GPBP1L1: variants seen among roughly 807,000 people sequenced by gnomAD.
The protein encoded by GPBP1L1 is vasculin-like protein 1.
GPBP1L1 carries 23 observed loss-of-function variants against 52.5 expected under a neutral mutation model. The ratio of observed to expected loss-of-function variants is 0.44; its 90% CI spans 0.32 to 0.62. The LOEUF (loss-of-function observed/expected upper bound fraction) is 0.62. Among genes scored for constraint, GPBP1L1 ranks in the 20% least tolerant of loss-of-function variants. The pLI is 0.06. For missense variants in GPBP1L1, 596 were observed against 579.3 expected (o/e 1.03, Z -0.30); for synonymous variants, 243 against 203.1 (o/e 1.20, Z -1.67).
intron 2 of GPBP1L1, among the ~76,000 whole-genome samples, chr1:45,664,495 G>A (rs1176392389): frequency 3.9e-5 from 6 of 152,034 alleles, no homozygotes; most frequent in African/African-American, 1.4e-4. Context: ...GAACCCGGGA[G>A]GTGGAGCTTG....
At chr1:45,653,274 C>G (rs1449452850) in intron 6 of GPBP1L1, among the ~76,000 whole-genome samples, 2 of 152,108 alleles carry the variant, frequency 1.3e-5, no homozygotes, top group Non-Finnish European at 2.9e-5. Flanking sequence ...TGGTGGCTGT[C>G]TGTAATCCTA....
chr1:45,641,773 G>C (rs1347083759), intron 7 of GPBP1L1: 1 of 131,452 alleles, frequency 7.6e-6, no homozygotes, highest in Non-Finnish European at 1.5e-5. Flanking sequence ...CTGAGATCTC[G>C]CCACCGCACT....
intron 2 of GPBP1L1, among the ~76,000 whole-genome samples, chr1:45,664,459 C>G (rs573765626): frequency 1.2e-4 from 16 of 132,110 alleles, no homozygotes; most frequent in East Asian, 2.4e-4. Context: ...CCAGCTACTA[C>G]GGAGGCTGAG....
At chr1:45,652,043 C>T (rs11211153) in intron 6 of GPBP1L1, among the ~76,000 whole-genome samples, 1,779 of 152,286 alleles carry the variant, frequency 0.012, 27 homozygotes, top group African/African-American at 0.037. Context: ...GTTTGTCAGC[C>T]ATGACACTAC....
At chr1:45,666,435 C>T (rs1013326229) in intron 2 of GPBP1L1, among the ~76,000 whole-genome samples, 14 of 152,124 alleles carry the variant, frequency 9.2e-5, no homozygotes, top group Non-Finnish European at 1.6e-4. Flanking sequence ...TGTGAGCCAC[C>T]GCGCTCGGCC....
chr1:45,668,765 A>T (rs1330913113), intron 2 of GPBP1L1, among the ~76,000 whole-genome samples: 2 of 152,198 alleles, frequency 1.3e-5, no homozygotes, highest in African/African-American at 4.8e-5. Context: ...CCTAAACTTG[A>T]AAAACTTCAC....
intron 2 of GPBP1L1, among the ~76,000 whole-genome samples, chr1:45,681,726 T>C (rs765062505): frequency 3.3e-5 from 5 of 152,264 alleles, no homozygotes; most frequent in African/African-American, 7.2e-5. Context: ...GTACTATTAT[T>C]GTTCCTATTT....
chr1:45,677,022 CA>C (rs200668339), intron 2 of GPBP1L1, among the ~76,000 whole-genome samples: 1 of 144,562 alleles, frequency 6.9e-6, no homozygotes, highest in Non-Finnish European at 1.5e-5. Flanking sequence ...AGATCTCTAC[CA>C]AAAAAAAACA....
intron 2 of GPBP1L1, among the ~76,000 whole-genome samples, chr1:45,674,116 A>G (rs577238612): frequency 6.6e-6 from 1 of 152,326 alleles, no homozygotes; most frequent in South Asian, 2.1e-4. Context: ...CCCAACTTCA[A>G]TGGCTTACAC....
Position 45,654,542 on chromosome 1 carries a change from C to A in GPBP1L1, c.477+1G>T. Reference sequence around the variant, plus strand: ...CCACACATCTAAAGATTCATACTTACAAAGTCCTCCTCTTCAAACTGCAAC... The same window carrying A: ...CCACACATCTAAAGATTCATACTTAAAAAGTCCTCCTCTTCAAACTGCAAC... On this transcript the variant is annotated splice_donor_variant, in intron 6 of 12. Transcript: ENST00000355105. LOFTEE classifies it high-confidence loss of function. The A allele has an allele frequency of 1.2e-6, 2 of 1,604,918 alleles. No homozygotes were observed. The highest frequency in any genetic ancestry group is 1.3e-5 in the African/African-American group (1 of 74,738).
At chr1:45,663,923 A>G (rs1644977126) in intron 2 of GPBP1L1, among the ~76,000 whole-genome samples, 1 of 151,754 alleles carries the variant, frequency 6.6e-6, no homozygotes, top group Non-Finnish European at 1.5e-5. Flanking sequence ...AATTCTGAGA[A>G]GAAAAAACAC....
chr1:45,671,021 T>C (rs1349030269), intron 2 of GPBP1L1, among the ~76,000 whole-genome samples: 2 of 151,944 alleles, frequency 1.3e-5, no homozygotes, highest in Non-Finnish European at 2.9e-5. Flanking sequence ...CTCGAACTCC[T>C]GACCTCAAGT....
intron 12 of GPBP1L1, among the ~76,000 whole-genome samples, chr1:45,629,352 T>C (rs896963341): frequency 1.3e-5 from 2 of 152,082 alleles, no homozygotes; most frequent in African/African-American, 2.4e-5. Context: ...ATACTATTTT[T>C]TGGAATCTGC....
rs181147711 is a variant in GPBP1L1 at position 45,645,750 on chromosome 1, G to A, written c.478-3251C>T. The A allele has an allele frequency of 1.4e-3, 480 of 350,106 alleles. 2 individuals are homozygous for A. The highest frequency in any genetic ancestry group is 9.2e-3 in the African/African-American group (413 of 44,786). The allele number at this position is 350,106 out of a possible 1,614,324, so 21.7% of individuals were successfully genotyped here. A position where few individuals can be genotyped will look rare whatever the true frequency, so the allele number is the denominator to read the frequency against. On this transcript the variant is annotated intron_variant, in intron 6 of 12. Transcript: ENST00000355105. ...AGTTCTCAGGAAAAGTCTTGGGAACGATATTCCGAAGTTTTTTGTTTTTTT... is the reference window on the plus strand; with the variant it reads ...AGTTCTCAGGAAAAGTCTTGGGAACAATATTCCGAAGTTTTTTGTTTTTTT...
chr1:45,670,212 C>T (rs1018255432), intron 2 of GPBP1L1, among the ~76,000 whole-genome samples: 7 of 152,226 alleles, frequency 4.6e-5, no homozygotes, highest in Admixed American at 1.3e-4. Flanking sequence ...AGGTTTAACA[C>T]GATCACCTAC....
At chr1:45,668,509 C>A (rs1232256345) in intron 2 of GPBP1L1, among the ~76,000 whole-genome samples, 1 of 152,074 alleles carries the variant, frequency 6.6e-6, no homozygotes. Context: ...CAAGAATTAG[C>A]CGGGCATGAT....
chr1:45,651,261 C>T, intron 6 of GPBP1L1: 1 of 407,286 alleles, frequency 2.5e-6, no homozygotes, highest in Middle Eastern at 8.4e-4. Context: ...AGACATCCCA[C>T]TCTTGACTTC....
intron 2 of GPBP1L1, among the ~76,000 whole-genome samples, chr1:45,678,033 A>T (rs1175322768): frequency 6.6e-6 from 1 of 152,216 alleles, no homozygotes; most frequent in Admixed American, 6.5e-5. Flanking sequence ...ACCTTCATCC[A>T]TTATGCTACA....
intron 6 of GPBP1L1, among the ~76,000 whole-genome samples, chr1:45,646,553 T>G (rs975848120): frequency 6.6e-6 from 1 of 152,060 alleles, no homozygotes; most frequent in Non-Finnish European, 1.5e-5. Flanking sequence ...GAATTATACT[T>G]TTCAGTATTT....
Sources: allele counts gnomAD v4.1 joint callset (sites outside exome capture counted in the v4.1 genomes callset), GRCh38; gene constraint gnomAD v4.1.1; transcripts MANE v1.5; gene names NCBI Gene and HGNC (gene_info 2026-07-23, HGNC 2026-07-21).